The following SNX14 variants were observed in gnomAD, a reference collection of about 807,000 sequenced individuals.
SNX14 encodes the protein sorting nexin 14.
Under a neutral mutation model 133.8 loss-of-function variants are expected in SNX14, and 93 were observed. The ratio of observed to expected loss-of-function variants is 0.70; its 90% CI spans 0.59 to 0.83. The LOEUF (loss-of-function observed/expected upper bound fraction) is 0.83. Among genes scored for constraint, SNX14 ranks in the 40% least tolerant of loss-of-function variants. SNX14 has a pLI of 0.00. For missense variants in SNX14, 945 were observed against 1,094.9 expected, an observed-to-expected ratio of 0.86 and a Z score of 1.93; for synonymous variants, 368 against 365.6, an observed-to-expected ratio of 1.01 and a Z score of -0.07.
chr6:85,577,287 G>T (rs527513347), intron 1 of SNX14, among the ~76,000 whole-genome samples: 5 of 152,000 alleles, frequency 3.3e-5, no homozygotes, highest in Non-Finnish European at 5.9e-5. Context: ...GCATGGTGGC[G>T]CATGCCTGTA....
chr6:85,574,131 A>AT, intron 2 of SNX14, 127 bp downstream of exon 2: 4 of 698,542 alleles, frequency 5.7e-6, no homozygotes, highest in Non-Finnish European at 8.4e-6. Context: ...AAAAAAAAAA[A>AT]GAGAAGAAAT....
In SNX14 at chr6:85,543,706, G is replaced by C. The variant is rs779983862; in HGVS notation, c.1163C>G (p.Ser388Cys). ...AATCTTCTGCAATTCTTCATGAAGA[G>C]ACAGCATTTCATCATTTGATAATTC... ...RPELSNDEML[S>C]LHEELQKIYK... Residue 388 changes from serine to cysteine, a missense_variant, in exon 13 of 29, where the codon TCT becomes TGT. Physicochemically the swap from Ser to Cys is moderately radical, Grantham distance 112. Around this residue, in one of 3 missense-constraint regions of SNX14, gnomAD observed 514 missense variants for 538.8 expected, o/e 0.95. Coordinates refer to ENST00000314673, the MANE Select transcript of SNX14 (RefSeq NM_153816.6). 5 of 1,585,400 alleles carry C rather than the reference G, an allele frequency of 3.2e-6. No individual in the cohort carries two copies. The highest frequency in any genetic ancestry group is 4.3e-6 in the Non-Finnish European group (5 of 1,164,418).
chr6:85,513,435 T>C (rs992248464), intron 26 of SNX14, among the ~76,000 whole-genome samples: 1 of 152,238 alleles, frequency 6.6e-6, no homozygotes, highest in African/African-American at 2.4e-5. Context: ...AGGTGCTCAA[T>C]AAATTTGGAA....
At chr6:85,582,821 A>G (rs1799458138) in intron 1 of SNX14, among the ~76,000 whole-genome samples, 1 of 152,220 alleles carries the variant, frequency 6.6e-6, no homozygotes, top group Non-Finnish European at 1.5e-5. Flanking sequence ...AGAAGGATTC[A>G]CAGCCAAATT....
rs768270002 is a variant in SNX14, at chr6:85,514,094, C to T, written c.2533G>A (p.Val845Ile). 1 of 1,613,116 alleles carries T rather than the reference C, an allele frequency of 6.2e-7. No homozygotes were observed. Among genetic ancestry groups the T allele is most frequent in the Non-Finnish European group, 8.5e-7 (1 of 1,179,718 alleles). Reference sequence around the variant, plus strand: ...CCTCTGAGAAGTGTTATGAGTGAGACCAAACGGTGCTCCTGAAATAGCTGT... The same window carrying T: ...CCTCTGAGAAGTGTTATGAGTGAGATCAAACGGTGCTCCTGAAATAGCTGT... ...LEQLFQEHRL[V>I]SLITLLRDAI... Residue 845 changes from valine to isoleucine, a missense_variant, in exon 25 of 29, where the codon GTC becomes ATC. By Grantham distance (29) the Val-to-Ile change is conservative. Coordinates refer to ENST00000314673, the MANE Select transcript of SNX14 (RefSeq NM_153816.6).
In SNX14 at chr6:85,518,418, G is replaced by A. The variant is rs574574074; in HGVS notation, c.2108-370C>T. Among the ~76,000 whole-genome samples the A allele has an allele frequency of 2.6e-5, 4 of 152,168 alleles. No individual in the cohort carries two copies. In the East Asian group the frequency reaches 7.7e-4, roughly 29 times the overall value. ...TTTCAGTAACAGTGAATATATAATG[G>A]TATCTAAAGATATGCAAAGGTCAGT... is the stretch of plus-strand genomic sequence containing the variant. On this transcript the variant is annotated intron_variant, in intron 21 of 28. Coordinates refer to ENST00000314673, the MANE Select transcript of SNX14 (RefSeq NM_153816.6).
At chr6:85,577,523 A>G (rs1276616432) in intron 1 of SNX14, among the ~76,000 whole-genome samples, 1 of 152,188 alleles carries the variant, frequency 6.6e-6, no homozygotes, top group African/African-American at 2.4e-5. Context: ...GAAATGTTCC[A>G]CAAGCACCTA....
chr6:85,546,204 G>T (rs1193320215), intron 12 of SNX14, among the ~76,000 whole-genome samples: 1 of 152,014 alleles, frequency 6.6e-6, no homozygotes, highest in Non-Finnish European at 1.5e-5. Context: ...GGAATTTTCT[G>T]GGCTGATGGA....
intron 23 of SNX14, chr6:85,517,421 C>T (rs1390148858): frequency 6.1e-6 from 1 of 163,522 alleles, no homozygotes; most frequent in Non-Finnish European, 1.3e-5. Context: ...TTAGGTAATG[C>T]CATCCAATAA....
chr6:85,548,341 C>A lies in SNX14; in HGVS notation c.827G>T (p.Gly276Val), dbSNP rs766151545. Reference protein sequence around the residue: ...LTLLIREILSGSVFLPSLDFL... With the variant: ...LTLLIREILSVSVFLPSLDFL... ...ATCCAAAGAAGGAAGGAACACAGAG[C>A]CAGACAGAATCTCTCTTATAAGTAA... The change falls in exon 9 of 29, where the codon GGC becomes GTC. Residue 276 changes from glycine to valine, a missense_variant. This residue lies in a region of SNX14 where 514 missense variants were observed against 538.8 expected (regional missense o/e 0.95). Transcript: ENST00000314673. 6.2e-7 allele frequency: 1 copy of A among 1,607,296 alleles called. No individual in the cohort carries two copies. The highest frequency in any genetic ancestry group is 1.7e-5 in the Admixed American group (1 of 58,802).
intron 1 of SNX14, among the ~76,000 whole-genome samples, chr6:85,580,477 T>G (rs1055786683): frequency 5.3e-5 from 8 of 152,160 alleles, no homozygotes; most frequent in African/African-American, 1.9e-4. Flanking sequence ...GTAAAGGGGA[T>G]GTCGTCTTAC....
Position 85,518,014 on chromosome 6 carries a change from C to T in SNX14, c.2142G>A (p.Met714Ile), listed in dbSNP as rs1775649494. ...ACATAAATCAGTTACTCACCTCTTT[C>T]ATTAGTTTTCCAGGAACAGATTTTA... ...KIIKSVPGKL[M>I]KEKGQHLEPF... Residue 714 changes from methionine (M) to isoleucine (I), a missense_variant, in exon 22 of 29, where the codon ATG becomes ATA. Around this residue, in one of 3 missense-constraint regions of SNX14, gnomAD observed 412 missense variants for 516.6 expected, o/e 0.80. Transcript: ENST00000314673. 6.2e-7 allele frequency: 1 copy of T among 1,602,636 alleles called. No homozygotes were observed. The highest frequency in any genetic ancestry group is 1.1e-5 in the South Asian group (1 of 88,510).
At chr6:85,575,300 TG>T (rs1399614005) in intron 1 of SNX14, among the ~76,000 whole-genome samples, 1 of 152,220 alleles carries the variant, frequency 6.6e-6, no homozygotes, top group African/African-American at 2.4e-5. Context: ...CAAATGCCAA[TG>T]ACCACAGTAT....
At chr6:85,585,772 G>A (rs1800625578) in intron 1 of SNX14, among the ~76,000 whole-genome samples, 1 of 151,938 alleles carries the variant, frequency 6.6e-6, no homozygotes, top group Non-Finnish European at 1.5e-5. Flanking sequence ...AGAAATGAGA[G>A]AATTCGAGAA....
At chr6:85,558,334 G>A (rs1409697421) in intron 6 of SNX14, among the ~76,000 whole-genome samples, 1 of 152,014 alleles carries the variant, frequency 6.6e-6, no homozygotes, top group African/African-American at 2.4e-5. Flanking sequence ...CGTGTTCTTT[G>A]TATTAAATGC....
At chr6:85,567,672 C>T in intron 4 of SNX14, 95 bp from the exon 5 acceptor site, 2 of 755,130 alleles carry the variant, frequency 2.6e-6, no homozygotes, top group Non-Finnish European at 4.1e-6. Context: ...TACCAAGAAA[C>T]AATTTTATTA....
intron 17 of SNX14, 55 bp downstream of exon 17, chr6:85,536,737 T>A (rs542725392): frequency 6.5e-7 from 1 of 1,535,194 alleles, no homozygotes; most frequent in African/African-American, 1.4e-5. Flanking sequence ...ATCTAATTTT[T>A]ATGTCATAGT....
At chr6:85,543,871 A>T in intron 12 of SNX14, 111 bp from the exon 13 acceptor site, 1 of 501,772 alleles carries the variant, frequency 2.0e-6, no homozygotes, top group Non-Finnish European at 3.1e-6. Context: ...ATTAGAAGCA[A>T]TCTAATTCAT....
intron 23 of SNX14, among the ~76,000 whole-genome samples, chr6:85,515,527 G>A (rs1226536555): frequency 6.6e-6 from 1 of 151,928 alleles, no homozygotes; most frequent in Admixed American, 6.6e-5. Context: ...GGAGGGGAGA[G>A]GGAAGAGAAG....
Sources: allele counts gnomAD v4.1 joint callset (sites outside exome capture counted in the v4.1 genomes callset), GRCh38; gene constraint gnomAD v4.1.1; regional missense constraint gnomAD v4.1.1; transcripts MANE v1.5; gene names NCBI Gene and HGNC (gene_info 2026-07-23, HGNC 2026-07-21).